R3HDM1: variants seen among roughly 807,000 people sequenced by gnomAD.
R3HDM1 encodes R3H domain containing 1.
In R3HDM1, 46 loss-of-function variants were observed where a neutral mutation model predicts 141.1. That is an observed-to-expected ratio of 0.33 (90% CI 0.26 to 0.42). The LOEUF is 0.42. Ranked by LOEUF, R3HDM1 falls within the 10% of genes least tolerant of loss-of-function variation. The pLI is 1.00. For synonymous variants in R3HDM1, 435 were observed against 472.9 expected (o/e 0.92, Z 1.04); for missense variants, 1,184 against 1,368.3 (o/e 0.87, Z 2.12).
chr2:135,600,439 A>G (rs2105096567), intron 1 of R3HDM1, among the ~76,000 whole-genome samples: 1 of 152,210 alleles, frequency 6.6e-6, no homozygotes, highest in South Asian at 2.1e-4. Context: ...GACAGCTAAC[A>G]TTTTTGGAGG....
chr2:135,557,950 A>G (rs1372554648), intron 1 of R3HDM1, among the ~76,000 whole-genome samples: 7 of 152,238 alleles, frequency 4.6e-5, no homozygotes, highest in Admixed American at 3.9e-4. Context: ...GAATACATTA[A>G]AACTATGTAA....
chr2:135,563,984 G>GGGGA (rs1311950857), intron 1 of R3HDM1, among the ~76,000 whole-genome samples: 1 of 152,084 alleles, frequency 6.6e-6, no homozygotes, highest in East Asian at 1.9e-4. Context: ...AAGAGAGAGT[G>GGGGA]GGGAGGCGCC....
intron 1 of R3HDM1, among the ~76,000 whole-genome samples, chr2:135,561,749 A>G (rs1436166387): frequency 6.6e-6 from 1 of 152,168 alleles, no homozygotes. Flanking sequence ...GCTTAAAATA[A>G]AAGTTGTATT....
At chr2:135,698,727 A>G (rs2073669669) in intron 21 of R3HDM1, among the ~76,000 whole-genome samples, 1 of 152,138 alleles carries the variant, frequency 6.6e-6, no homozygotes, top group Admixed American at 6.5e-5. Context: ...ATTATGGCAG[A>G]AGGCAAGAGG....
intron 5 of R3HDM1, chr2:135,620,730 A>G: frequency 1.1e-6 from 1 of 875,432 alleles, no homozygotes; most frequent in Non-Finnish European, 1.4e-6. Flanking sequence ...CTAAGTAAAC[A>G]GAGCTACATG....
chr2:135,680,652 C>T (rs1348499900), intron 21 of R3HDM1, among the ~76,000 whole-genome samples: 1 of 152,184 alleles, frequency 6.6e-6, no homozygotes, highest in Non-Finnish European at 1.5e-5. Context: ...CGCCTGTGAT[C>T]GCAACTGCTC....
At chr2:135,585,706 G>T (rs1449923493) in intron 1 of R3HDM1, among the ~76,000 whole-genome samples, 1 of 152,024 alleles carries the variant, frequency 6.6e-6, no homozygotes, top group Non-Finnish European at 1.5e-5. Flanking sequence ...TTCTAAGTCC[G>T]CCACTTGAGC....
chr2:135,582,750 A>G (rs1559167378), intron 1 of R3HDM1, among the ~76,000 whole-genome samples: 1 of 152,188 alleles, frequency 6.6e-6, no homozygotes, highest in East Asian at 1.9e-4. Flanking sequence ...TAATAGGAGA[A>G]TGTTGTATAT....
intron 21 of R3HDM1, among the ~76,000 whole-genome samples, chr2:135,704,611 C>T (rs557634117): frequency 6.6e-6 from 1 of 151,910 alleles, no homozygotes; most frequent in African/African-American, 2.4e-5. Flanking sequence ...GCTGGGATTA[C>T]AGTCATGCAC....
At chr2:135,595,467 A>G (rs1341583545) in intron 1 of R3HDM1, among the ~76,000 whole-genome samples, 1 of 152,214 alleles carries the variant, frequency 6.6e-6, no homozygotes. Context: ...ACCCCTTACT[A>G]GTCTTGCTAC....
intron 1 of R3HDM1, chr2:135,583,836 C>T (rs760756902): frequency 1.0e-4 from 102 of 985,248 alleles, no homozygotes; most frequent in Middle Eastern, 5.2e-4. Flanking sequence ...GTTAGTAATT[C>T]GATTTAGATA....
intron 21 of R3HDM1, among the ~76,000 whole-genome samples, chr2:135,708,287 G>A (rs528021442): frequency 1.3e-5 from 2 of 151,856 alleles, no homozygotes; most frequent in African/African-American, 2.4e-5. Flanking sequence ...ATTTCCTTCT[G>A]CCCCGCAAAT....
chr2:135,620,565 C>T (rs2061430916), intron 5 of R3HDM1: 3 of 982,652 alleles, frequency 3.1e-6, no homozygotes, highest in Middle Eastern at 1.0e-3. Flanking sequence ...ATGAAAATAG[C>T]AGGTAGCAGT....
Position 135,699,045 on chromosome 2 carries a change from A to ATTGATTGATAGATT in R3HDM1, c.2460-10388_2460-10387insTTGATTGATAGATT, listed in dbSNP as rs202144929. Among the ~76,000 whole-genome samples the ATTGATTGATAGATT allele has an allele frequency of 6.2e-5, 8 of 129,890 alleles. 1 individual carries two copies. The highest frequency in any genetic ancestry group is 2.6e-4 in the African/African-American group (8 of 30,312). The allele number at this position is 129,890 out of a possible 152,430, so 85.2% of individuals were successfully genotyped here. On this transcript the variant is annotated intron_variant, in intron 21 of 26. Coordinates refer to ENST00000683871, the MANE Select transcript of R3HDM1 (RefSeq NM_001378107.1). ...TAGATAGATAGATAGATAGATAGAT[A>ATTGATTGATAGATT]AGATAGATAAGATAGATTGATTAGA...
At chr2:135,636,852 T>C (rs924583890) in intron 11 of R3HDM1, among the ~76,000 whole-genome samples, 2 of 152,042 alleles carry the variant, frequency 1.3e-5, no homozygotes, top group African/African-American at 2.4e-5. Flanking sequence ...GAAGAACTTA[T>C]TCATTCAACA....
rs1021401357 is a variant in R3HDM1, at chr2:135,596,937, G to A, written c.-249-5563G>A. Reference sequence around the variant, plus strand: ...CCAGAAGTGGAAATGTGGAGTCATAGGATATGTGGGATTTAAAATTCATTT... The same window carrying A: ...CCAGAAGTGGAAATGTGGAGTCATAAGATATGTGGGATTTAAAATTCATTT... On this transcript the variant is annotated intron_variant, in intron 1 of 26. Coordinates refer to ENST00000683871, the MANE Select transcript of R3HDM1 (RefSeq NM_001378107.1). 3 of 830,582 alleles carry A rather than the reference G, an allele frequency of 3.6e-6. No individual in the cohort carries two copies. In the Admixed American group the frequency reaches 1.9e-4, roughly 52 times the overall value. 51.5% of individuals were successfully genotyped at this position (830,582 alleles called of 1,614,324 possible).
intron 19 of R3HDM1, chr2:135,665,487 T>C (rs753466552): frequency 2.4e-5 from 13 of 532,804 alleles, no homozygotes; most frequent in African/African-American, 1.2e-4. Context: ...TCCTGGCTTC[T>C]TTTTACTCAG....
At chr2:135,556,845 A>C (rs1438267459) in intron 1 of R3HDM1, among the ~76,000 whole-genome samples, 2 of 152,050 alleles carry the variant, frequency 1.3e-5, no homozygotes, top group Non-Finnish European at 1.5e-5. Flanking sequence ...AGCAACACTT[A>C]CTAGAATTCA....
chr2:135,722,472 C>A lies in R3HDM1; in HGVS notation c.2968C>A (p.Gln990Lys). The change falls in exon 26 of 27, where the codon CAG (glutamine) becomes AAG (lysine). Residue 990 changes from glutamine to lysine, a missense_variant. Gln to Lys is a moderately conservative substitution (Grantham distance 53, BLOSUM62 1). Around this residue, in one of 5 missense-constraint regions of R3HDM1, gnomAD observed 182 missense variants for 252.6 expected, o/e 0.72. Coordinates refer to ENST00000683871, the MANE Select transcript of R3HDM1 (RefSeq NM_001378107.1). Reference sequence around the variant, plus strand: ...TCAACTATTTGTGGGTTTTCAGGGTCAGCCTGGCAGCAGGCATGGAAACCG... The same window carrying A: ...TCAACTATTTGTGGGTTTTCAGGGTAAGCCTGGCAGCAGGCATGGAAACCG... ...LHGHIPNQQG[Q>K]PGSRHGNRGR... is the part of the protein sequence containing the mutation. The A allele has an allele frequency of 6.2e-7, 1 of 1,613,660 alleles. No individual in the cohort carries two copies. Among genetic ancestry groups the A allele is most frequent in the South Asian group, 1.1e-5 (1 of 90,974 alleles).
Sources: allele counts gnomAD v4.1 joint callset (sites outside exome capture counted in the v4.1 genomes callset), GRCh38; gene constraint gnomAD v4.1.1; regional missense constraint gnomAD v4.1.1; transcripts MANE v1.5; gene names NCBI Gene and HGNC (gene_info 2026-07-23, HGNC 2026-07-21).